Variants in CACNA1B observed in about 807,000 individuals in gnomAD.
The protein encoded by CACNA1B is voltage-dependent N-type calcium channel subunit alpha-1B.
CACNA1B carries 70 observed loss-of-function variants against 247.2 expected under a neutral mutation model. That is an observed-to-expected ratio of 0.28 (90% CI 0.23 to 0.35). The LOEUF (loss-of-function observed/expected upper bound fraction) is 0.35, where lower values mean the gene tolerates loss of function less well. Among genes scored for constraint, CACNA1B ranks in the 10% least tolerant of loss-of-function variants. CACNA1B has a pLI of 1.00. For missense variants in CACNA1B, 2,367 were observed against 3,197.4 expected (o/e 0.74, Z 6.26); for synonymous variants, 1,231 against 1,294.4 (o/e 0.95, Z 1.05).
intron 2 of CACNA1B, among the ~76,000 whole-genome samples, chr9:137,879,367 C>T (rs1054253149): frequency 6.6e-5 from 10 of 152,242 alleles, no homozygotes; most frequent in African/African-American, 9.6e-5. Flanking sequence ...GGCGTGGCCA[C>T]GTTAGCCCTG....
At position 138,115,590 on chromosome 9, in the gene CACNA1B, C is replaced by T. The variant is rs1450039024; in HGVS notation, c.5688C>T (p.Thr1896=). ...CCCTGTTCCACCCTCTGAAGGCCAC[C>T]CTGGAGCAGACACAGCCGGCTGTGC... ...PVSLFHPLKA[T]LEQTQPAVLR... Residue 1896 remains threonine, a synonymous_variant, in exon 42 of 47, where the codon ACC becomes ACT. Transcript: ENST00000371372. 6.2e-7 allele frequency: 1 copy of T among 1,613,572 alleles called. No individual in the cohort carries two copies. Among genetic ancestry groups the T allele is most frequent in the Non-Finnish European group, 8.5e-7 (1 of 1,179,822 alleles).
chr9:138,097,120 A>G (rs1478087986), intron 37 of CACNA1B, among the ~76,000 whole-genome samples: 1 of 151,268 alleles, frequency 6.6e-6, no homozygotes, highest in Non-Finnish European at 1.5e-5. Flanking sequence ...GCCAACATGC[A>G]CCTCTGTGTC....
At chr9:138,084,012 T>G (rs1407262795) in intron 36 of CACNA1B, among the ~76,000 whole-genome samples, 1 of 150,440 alleles carries the variant, frequency 6.6e-6, no homozygotes, top group African/African-American at 2.5e-5. Context: ...GGCCCAAAAC[T>G]CCAGAGCACC....
At chr9:137,897,322 G>A (rs1268309706) in intron 3 of CACNA1B, among the ~76,000 whole-genome samples, 1 of 152,106 alleles carries the variant, frequency 6.6e-6, no homozygotes, top group East Asian at 1.9e-4. Context: ...GCTCATGGTT[G>A]TAATCCCAGC....
intron 12 of CACNA1B, among the ~76,000 whole-genome samples, chr9:137,980,502 T>A (rs924684250): frequency 1.3e-5 from 2 of 152,232 alleles, no homozygotes; most frequent in African/African-American, 4.8e-5. Context: ...CATGCCACCT[T>A]TCTCTCTTTT....
chr9:137,896,806 T>C (rs1456513394), intron 3 of CACNA1B, among the ~76,000 whole-genome samples: 4 of 129,948 alleles, frequency 3.1e-5, no homozygotes, highest in African/African-American at 1.6e-4. Context: ...TTACGAGTTA[T>C]GTGGATGTTC....
At position 137,917,168 on chromosome 9, in the gene CACNA1B, C is replaced by T; in HGVS notation, c.776-73C>T. The T allele has an allele frequency of 7.0e-7, 1 of 1,426,084 alleles. No homozygotes were observed. The highest frequency in any genetic ancestry group is 9.6e-7 in the Non-Finnish European group (1 of 1,038,180). The allele number at this position is 1,426,084 out of a possible 1,614,324, so 88.3% of individuals were successfully genotyped here. On this transcript the variant is annotated intron_variant, in intron 5 of 46. Transcript: ENST00000371372. This position sits in a 1 kb window ranked among gnomAD's most constrained non-coding sequence, Gnocchi z 5.5. ...CCACCTGCTGTGAGCTCTCCAGAGC[C>T]CAGGAATCCTGGTGGGGATTGGAGA...
At chr9:138,042,625 G>A (rs1033337646) in intron 20 of CACNA1B, among the ~76,000 whole-genome samples, 2 of 152,190 alleles carry the variant, frequency 1.3e-5, no homozygotes, top group African/African-American at 4.8e-5. Context: ...GTTTTCAACA[G>A]GGAAGTTTGA....
At position 137,952,194 on chromosome 9, in the gene CACNA1B, T is replaced by C; in HGVS notation, c.967-80T>C. 9.2e-7 allele frequency: 1 copy of C among 1,085,822 alleles called. No individual in the cohort carries two copies. The highest frequency in any genetic ancestry group is 1.8e-5 in the Admixed American group (1 of 55,578). 67.3% of individuals were successfully genotyped at this position (1,085,822 alleles called of 1,614,324 possible). A position where few individuals can be genotyped will look rare whatever the true frequency, so the allele number is the denominator to read the frequency against. On this transcript the variant is annotated intron_variant, in intron 6 of 46. Coordinates refer to ENST00000371372, the MANE Select transcript of CACNA1B (RefSeq NM_000718.4). The surrounding 1 kb of genome is among the most constrained non-coding windows in gnomAD (Gnocchi z 4.8). ...GGTGTGTGCTTCTGAGAAGGAGGCC[T>C]GTTGGGGGCTGGGGGTGCTCCTGTG...
chr9:138,092,013 A>G (rs1017849383), intron 36 of CACNA1B, among the ~76,000 whole-genome samples: 3 of 152,194 alleles, frequency 2.0e-5, no homozygotes, highest in African/African-American at 7.2e-5. Context: ...GGAGAGGGGT[A>G]CAAACAGGGA....
chr9:138,005,749 A>G (rs1958639075), intron 15 of CACNA1B, among the ~76,000 whole-genome samples: 1 of 152,264 alleles, frequency 6.6e-6, no homozygotes, highest in Non-Finnish European at 1.5e-5. Context: ...ATCGATAAAA[A>G]GAATTAAAAA....
chr9:138,073,978 C>A lies in CACNA1B; in HGVS notation c.4792-23C>A, dbSNP rs770333272. ...CGTGGTGGCTGGGAGGTGCCTGTAGCTGACCGGCCCCTGTCTCCGCAGGCC... is the reference window on the plus strand; with the variant it reads ...CGTGGTGGCTGGGAGGTGCCTGTAGATGACCGGCCCCTGTCTCCGCAGGCC... On this transcript the variant is annotated intron_variant, in intron 33 of 46. Transcript: ENST00000371372. This position sits in a 1 kb window ranked among gnomAD's most constrained non-coding sequence, Gnocchi z 6.4. 1.2e-6 allele frequency: 2 copies of A among 1,604,502 alleles called. No homozygotes were observed. Among genetic ancestry groups the A allele is most frequent in the Non-Finnish European group, 1.7e-6 (2 of 1,175,402 alleles).
intron 6 of CACNA1B, among the ~76,000 whole-genome samples, chr9:137,942,337 T>C (rs1423963945): frequency 6.6e-6 from 1 of 152,218 alleles, no homozygotes; most frequent in African/African-American, 2.4e-5. Context: ...GATATTGGCA[T>C]GGATGCGGTG....
At position 138,052,249 on chromosome 9, in the gene CACNA1B, C is replaced by CGTGTGTGCGTGTGTGT. The variant is rs56929123; in HGVS notation, c.3807+68_3807+69insCGTGTGTGTGTGTGTG. ...GTGTGTGTGTGCGTGTGTGTGTGTGCGTGTGTGTGTGTGTATGCATGCAGT... is the reference window on the plus strand; with the variant it reads ...GTGTGTGTGTGCGTGTGTGTGTGTGCGTGTGTGCGTGTGTGTGTGTGTGTGTGTGTATGCATGCAGT... On this transcript the variant is annotated intron_variant, in intron 25 of 46. Coordinates refer to ENST00000371372, the MANE Select transcript of CACNA1B (RefSeq NM_000718.4). The surrounding 1 kb of genome is among the most constrained non-coding windows in gnomAD (Gnocchi z 5.1). 5,879 of 778,832 alleles carry CGTGTGTGCGTGTGTGT rather than the reference C, an allele frequency of 7.5e-3. 138 individuals carry two copies. The highest frequency in any genetic ancestry group is 0.071 in the African/African-American group (4,005 of 56,290). 48.2% of individuals were successfully genotyped at this position (778,832 alleles called of 1,614,324 possible).
intron 37 of CACNA1B, chr9:138,101,272 G>T: frequency 2.1e-6 from 1 of 481,104 alleles, no homozygotes; most frequent in Non-Finnish European, 4.3e-6. Flanking sequence ...CTCCCTGCCT[G>T]GTTTGGGAAT....
At chr9:137,976,334 C>G (rs1433691695) in intron 12 of CACNA1B, among the ~76,000 whole-genome samples, 1 of 152,260 alleles carries the variant, frequency 6.6e-6, no homozygotes, top group Non-Finnish European at 1.5e-5. Context: ...TCTCGCAAAC[C>G]TGTGGAGGGC....
At chr9:138,028,048 TTTTG>T in intron 20 of CACNA1B, among the ~76,000 whole-genome samples, 1 of 145,928 alleles carries the variant, frequency 6.9e-6, no homozygotes, top group African/African-American at 2.6e-5. Flanking sequence ...TTTTTTTTTT[TTTTG>T]AGACTGAGCC....
chr9:138,026,902 T>C (rs1311744912), intron 20 of CACNA1B, among the ~76,000 whole-genome samples: 2 of 152,196 alleles, frequency 1.3e-5, no homozygotes, highest in African/African-American at 4.8e-5. Flanking sequence ...TGAATGAGAG[T>C]TCCTGTTGCT....
intron 32 of CACNA1B, among the ~76,000 whole-genome samples, chr9:138,071,848 C>G (rs1243891048): frequency 1.3e-5 from 2 of 152,126 alleles, no homozygotes; most frequent in African/African-American, 4.8e-5. Context: ...GCCCCAGTCC[C>G]TGCCCCTCCA....
Sources: gnomAD v4.1 joint callset for allele counts (sites outside exome capture counted in the v4.1 genomes callset) on GRCh38, gnomAD v4.1.1 for gene constraint, Gnocchi (gnomAD v3.1) non-coding constraint, MANE v1.5 for transcripts, NCBI Gene and HGNC (gene_info 2026-07-23, HGNC 2026-07-21) for gene names.